The following CADM1 variants were observed in gnomAD, a reference collection of about 807,000 sequenced individuals.
CADM1 encodes cell adhesion molecule 1, also known as TSLC-1.
In CADM1, 15 loss-of-function variants were observed where a neutral mutation model predicts 53.1. That is an observed-to-expected ratio of 0.28 (90% CI 0.19 to 0.44). The LOEUF (loss-of-function observed/expected upper bound fraction) is 0.44. Ranked by LOEUF, CADM1 falls within the 20% of genes least tolerant of loss-of-function variation. The pLI is 1.00. For synonymous variants in CADM1, 281 were observed against 243.0 expected, an observed-to-expected ratio of 1.16 and a Z score of -1.45; for missense variants, 434 against 611.3, an observed-to-expected ratio of 0.71 and a Z score of 3.06.
rs538717743 is a variant in CADM1 at position 115,247,006 on chromosome 11, G to A, written c.125-6586C>T. On this transcript the variant is annotated intron_variant, in intron 1 of 11. Coordinates refer to ENST00000331581, the MANE Select transcript of CADM1 (RefSeq NM_001301043.2). Reference sequence around the variant, plus strand: ...GAATACACAACAAAAAATATCATCTGACACAACATTAAGCTATTCATGAAT... The same window carrying A: ...GAATACACAACAAAAAATATCATCTAACACAACATTAAGCTATTCATGAAT... Among the ~76,000 whole-genome samples, 3 of 142,846 alleles carry A rather than the reference G, an allele frequency of 2.1e-5. No homozygotes were observed. In the South Asian group the frequency reaches 7.3e-4, roughly 35 times the overall value. The allele number at this position is 142,846 out of a possible 152,430, so 93.7% of individuals were successfully genotyped here.
Position 115,422,371 on chromosome 11 carries a change from A to T in CADM1, c.124+81900T>A, listed in dbSNP as rs76128468. ...CGAAGCTGCAGCTCTCAAACATCTG[A>T]TTAAAAGGAAAAACAGGCAGGCATT... On this transcript the variant is annotated intron_variant, in intron 1 of 11. Transcript: ENST00000331581. 2.6e-5 allele frequency among the ~76,000 whole-genome samples: 4 copies of T among 152,350 alleles called. No homozygotes were observed. In the East Asian group the frequency reaches 5.8e-4, roughly 22 times the overall value.
chr11:115,208,234 G>A (rs186286594), intron 8 of CADM1, among the ~76,000 whole-genome samples: 2 of 152,266 alleles, frequency 1.3e-5, no homozygotes, highest in Non-Finnish European at 2.9e-5. Flanking sequence ...ATTAAGTGCT[G>A]GCACTGATGG....
intron 1 of CADM1, among the ~76,000 whole-genome samples, chr11:115,450,677 A>G (rs1948551652): frequency 6.6e-6 from 1 of 152,244 alleles, no homozygotes; most frequent in Admixed American, 6.5e-5. Flanking sequence ...ACTGTGAAGC[A>G]GAAATAAAAT....
rs191575969 is a variant in CADM1 at position 115,264,088 on chromosome 11, T to C, written c.125-23668A>G. Among the ~76,000 whole-genome samples the C allele has an allele frequency of 6.1e-4, 93 of 152,288 alleles. 1 individual carries two copies. The highest frequency in any genetic ancestry group is 2.0e-3 in the African/African-American group (83 of 41,548). ...TGCAGACTGCTGCCTCCACCCCGTA[T>C]GTTTAAATACTACTCAATTAGGATC... On this transcript the variant is annotated intron_variant, in intron 1 of 11. Transcript: ENST00000331581.
intron 1 of CADM1, among the ~76,000 whole-genome samples, chr11:115,425,975 A>C (rs1414781182): frequency 6.6e-6 from 1 of 152,198 alleles, no homozygotes; most frequent in Non-Finnish European, 1.5e-5. Context: ...CCCATCTGTC[A>C]GCCAAACAAA....
At chr11:115,364,234 C>T (rs1946101100) in intron 1 of CADM1, among the ~76,000 whole-genome samples, 1 of 152,140 alleles carries the variant, frequency 6.6e-6, no homozygotes, top group Non-Finnish European at 1.5e-5. Context: ...ACCTACAGTT[C>T]TTAAATTATA....
At chr11:115,504,099 A>G (rs1949796670) in intron 1 of CADM1, among the ~76,000 whole-genome samples, 172 bp downstream of exon 1, 1 of 152,138 alleles carries the variant, frequency 6.6e-6, no homozygotes, top group African/African-American at 2.4e-5. Flanking sequence ...AGGGGCTCAC[A>G]GATGCCCTCA....
At chr11:115,193,917 C>CG (rs949746058) in intron 9 of CADM1, 5 of 152,280 alleles carry the variant, frequency 3.3e-5, no homozygotes, top group African/African-American at 1.2e-4. Context: ...CAGACGCCCC[C>CG]GGGAGTTTTA....
At chr11:115,434,845 T>TTTA (rs1208762045) in intron 1 of CADM1, among the ~76,000 whole-genome samples, 4 of 143,084 alleles carry the variant, frequency 2.8e-5, no homozygotes, top group East Asian at 2.0e-4. Flanking sequence ...AGTATTTTAT[T>TTTA]TTATTATTAT....
At chr11:115,367,466 T>C (rs1946194094) in intron 1 of CADM1, among the ~76,000 whole-genome samples, 1 of 152,234 alleles carries the variant, frequency 6.6e-6, no homozygotes, top group African/African-American at 2.4e-5. Flanking sequence ...ATGTGCTTTT[T>C]AAGTGTTCAT....
At chr11:115,179,629 C>A (rs1184174688) in intron 10 of CADM1, among the ~76,000 whole-genome samples, 1 of 152,142 alleles carries the variant, frequency 6.6e-6, no homozygotes, top group Non-Finnish European at 1.5e-5. Flanking sequence ...TGCTGAAATC[C>A]TAATGGCATT....
Position 115,415,823 on chromosome 11 carries a change from C to CAAA in CADM1, c.124+88445_124+88447dup, listed in dbSNP as rs71066426. Among the ~76,000 whole-genome samples, 17 of 43,694 alleles carry CAAA rather than the reference C, an allele frequency of 3.9e-4. 1 individual carries two copies. Among genetic ancestry groups the CAAA allele is most frequent in the African/African-American group, 1.2e-3 (10 of 8,054 alleles). The allele number at this position is 43,694 out of a possible 152,430, so 28.7% of individuals were successfully genotyped here. A position where few individuals can be genotyped will look rare whatever the true frequency, so the allele number is the denominator to read the frequency against. ...TCAGGCAACAGAGTGAGACTGTCTC[C>CAAA]AAAAAAAAAAAAAAAAAAAAAAAAA... is the stretch of plus-strand genomic sequence containing the variant. On this transcript the variant is annotated intron_variant, in intron 1 of 11. Transcript: ENST00000331581.
intron 1 of CADM1, among the ~76,000 whole-genome samples, chr11:115,274,437 T>C (rs2033738721): frequency 6.6e-6 from 1 of 152,254 alleles, no homozygotes; most frequent in African/African-American, 2.4e-5. Flanking sequence ...ACAAAATGGC[T>C]GGGCTTAAAA....
At chr11:115,434,064 T>C (rs1371653895) in intron 1 of CADM1, among the ~76,000 whole-genome samples, 1 of 152,226 alleles carries the variant, frequency 6.6e-6, no homozygotes, top group Non-Finnish European at 1.5e-5. Flanking sequence ...TCTAGTCTTC[T>C]GAAACATGAC....
At chr11:115,204,784 T>A (rs1029832888) in intron 8 of CADM1, among the ~76,000 whole-genome samples, 23 of 152,204 alleles carry the variant, frequency 1.5e-4, no homozygotes, top group Non-Finnish European at 2.5e-4. Context: ...CTTTATGTGA[T>A]CCAATCCACA....
intron 4 of CADM1, 51 bp downstream of exon 4, chr11:115,231,302 T>A (rs753250226): frequency 6.3e-7 from 1 of 1,598,012 alleles, no homozygotes; most frequent in Admixed American, 1.7e-5. Context: ...CACAAAGGCA[T>A]ATCTGCTAGA....
chr11:115,411,110 CAT>C (rs1289591659), intron 1 of CADM1, among the ~76,000 whole-genome samples: 2 of 152,188 alleles, frequency 1.3e-5, no homozygotes, highest in Non-Finnish European at 2.9e-5. Flanking sequence ...ATATTAATTA[CAT>C]GTTTAATCAC....
chr11:115,496,703 A>G (rs994070235), intron 1 of CADM1, among the ~76,000 whole-genome samples: 7 of 152,162 alleles, frequency 4.6e-5, no homozygotes, highest in African/African-American at 1.2e-4. Context: ...GCCTCCTGTT[A>G]GCAAAACACA....
chr11:115,304,503 A>G (rs113525877), intron 1 of CADM1, among the ~76,000 whole-genome samples: 1 of 152,088 alleles, frequency 6.6e-6, no homozygotes. Context: ...AGTTAATTCA[A>G]TGGTGGTTTT....
Sources: allele counts gnomAD v4.1 joint callset (sites outside exome capture counted in the v4.1 genomes callset), GRCh38; gene constraint gnomAD v4.1.1; transcripts MANE v1.5; gene names NCBI Gene and HGNC (gene_info 2026-07-23, HGNC 2026-07-21).